Variants in ALDH7A1 observed in about 807,000 individuals in gnomAD.
The protein encoded by ALDH7A1 is aldehyde dehydrogenase 7 family member A1, also known as alpha-aminoadipic semialdehyde dehydrogenase.
Under a neutral mutation model 79.9 loss-of-function variants are expected in ALDH7A1, and 63 were observed. The observed-to-expected ratio is 0.79, with a 90% CI of 0.64 to 0.97. ALDH7A1 has a LOEUF of 0.97. Among genes scored for constraint, ALDH7A1 ranks in the 50% least tolerant of loss-of-function variants. The pLI is 0.00. For synonymous variants in ALDH7A1, 240 were observed against 231.2 expected (o/e 1.04, Z -0.34); for missense variants, 627 against 665.2 (o/e 0.94, Z 0.63).
chr5:126,561,075 A>T lies in ALDH7A1; in HGVS notation c.913+8T>A. The T allele has an allele frequency of 6.2e-7, 1 of 1,613,432 alleles. No individual in the cohort carries two copies. The highest frequency in any genetic ancestry group is 8.5e-7 in the Non-Finnish European group (1 of 1,179,650). On this transcript the variant is annotated splice_region_variant and intron_variant, in intron 10 of 17. Transcript: ENST00000409134. ...AGAAAACAAACAAAAACAAAGAGGC[A>T]GCCTTACCAATAATGGCATTGTTTC...
At chr5:126,579,785 T>C (rs1162979432) in intron 5 of ALDH7A1, among the ~76,000 whole-genome samples, 2 of 152,024 alleles carry the variant, frequency 1.3e-5, no homozygotes, top group Non-Finnish European at 2.9e-5. Context: ...TAGTGCAACC[T>C]CGTCTCTACA....
At chr5:126,575,743 A>G (rs1465659389) in intron 6 of ALDH7A1, among the ~76,000 whole-genome samples, 1 of 152,230 alleles carries the variant, frequency 6.6e-6, no homozygotes, top group African/African-American at 2.4e-5. Flanking sequence ...AACCTCAGCC[A>G]GTTATAGGAA....
intron 5 of ALDH7A1, among the ~76,000 whole-genome samples, chr5:126,579,157 TTC>T (rs1345775533): frequency 6.6e-6 from 1 of 152,176 alleles, no homozygotes; most frequent in African/African-American, 2.4e-5. Flanking sequence ...CTTCCCGAGG[TTC>T]TCTTTCCACT....
At chr5:126,573,347 G>T (rs1216539784) in intron 7 of ALDH7A1, among the ~76,000 whole-genome samples, 1 of 151,786 alleles carries the variant, frequency 6.6e-6, no homozygotes, top group African/African-American at 2.4e-5. Context: ...GATGACTTGA[G>T]GCCAGGAATT....
At chr5:126,568,400 C>A (rs954530541) in intron 8 of ALDH7A1, 44 bp from the exon 9 acceptor site, 2 of 1,502,630 alleles carry the variant, frequency 1.3e-6, no homozygotes, top group African/African-American at 2.7e-5. Context: ...CAGAGAAACC[C>A]AGCAATTACA....
chr5:126,550,130 T>G, intron 15 of ALDH7A1, 66 bp downstream of exon 15: 1 of 1,554,282 alleles, frequency 6.4e-7, no homozygotes, highest in Non-Finnish European at 8.9e-7. Context: ...ACTACAGCAG[T>G]TTTTTTAAGT....
intron 3 of ALDH7A1, 98 bp from the exon 4 acceptor site, chr5:126,584,110 A>T: frequency 1.9e-6 from 2 of 1,050,844 alleles, no homozygotes; most frequent in South Asian, 2.6e-5. Context: ...AATTACAATC[A>T]TATCAAAGAA....
chr5:126,551,735 T>C (rs1172204361), intron 14 of ALDH7A1, among the ~76,000 whole-genome samples: 3 of 152,194 alleles, frequency 2.0e-5, no homozygotes, highest in African/African-American at 7.2e-5. Flanking sequence ...GGTGACTCTA[T>C]GGCCTACACA....
rs144066551 is a variant in ALDH7A1 at position 126,584,352 on chromosome 5, A to G, written c.313-340T>C. 349 of 326,312 alleles carry G rather than the reference A, an allele frequency of 1.1e-3. 1 individual carries two copies. The highest frequency in any genetic ancestry group is 7.1e-3 in the African/African-American group (329 of 46,398). The allele number at this position is 326,312 out of a possible 1,614,324, so 20.2% of individuals were successfully genotyped here. ...AGCAAGATTGGAGGGGAAATGGGTA[A>G]GTTACTTTACCTAAAAGGATGGCAG... is the stretch of plus-strand genomic sequence containing the variant. On this transcript the variant is annotated intron_variant, in intron 3 of 17. Transcript: ENST00000409134.
chr5:126,570,524 A>T (rs371991694), intron 8 of ALDH7A1: 1 of 424,936 alleles, frequency 2.4e-6, no homozygotes. Context: ...GCCCCCCATT[A>T]CAGCAGTTTG....
intron 5 of ALDH7A1, 80 bp downstream of exon 5, chr5:126,582,771 C>G (rs1187853083): frequency 6.5e-7 from 1 of 1,545,574 alleles, no homozygotes; most frequent in Admixed American, 1.7e-5. Context: ...TTTGCACAGT[C>G]AATAGCCAGA....
intron 11 of ALDH7A1, among the ~76,000 whole-genome samples, chr5:126,556,340 T>A (rs1404980178): frequency 6.7e-6 from 1 of 148,888 alleles, no homozygotes; most frequent in African/African-American, 2.5e-5. Flanking sequence ...CTTCCCGGGT[T>A]CAAGCGATTC....
Position 126,568,311 on chromosome 5 carries a change from A to G in ALDH7A1, c.819T>C (p.Thr273=). ...CCTGTTTTCCCACCTGAGTGCTCCC[A>G]GTGAAGGACAGCAGGTTCACTCGTT... is the stretch of plus-strand genomic sequence containing the variant. ...KDERVNLLSF[T]GSTQVGKQVG... is the part of the protein sequence containing the mutation. Residue 273 remains threonine (T), a synonymous_variant, in exon 9 of 18, where the codon ACT becomes ACC. Transcript: ENST00000409134. The G allele has an allele frequency of 6.2e-7, 1 of 1,614,148 alleles. No homozygotes were observed. Among genetic ancestry groups the G allele is most frequent in the Non-Finnish European group, 8.5e-7 (1 of 1,179,996 alleles).
At chr5:126,575,630 G>A (rs1750939235) in intron 6 of ALDH7A1, among the ~76,000 whole-genome samples, 166 bp from the exon 7 acceptor site, 1 of 152,190 alleles carries the variant, frequency 6.6e-6, no homozygotes, top group Non-Finnish European at 1.5e-5. Flanking sequence ...CTTCAGCTGG[G>A]TGTCTTTGAG....
At chr5:126,567,460 A>T (rs1399712778) in intron 9 of ALDH7A1, among the ~76,000 whole-genome samples, 49 of 152,182 alleles carry the variant, frequency 3.2e-4, no homozygotes, top group Admixed American at 1.3e-4. Context: ...TTAGAGAGAA[A>T]ATGACTTCCT....
At position 126,559,286 on chromosome 5, in the gene ALDH7A1, G is replaced by A. The variant is rs3189320; in HGVS notation, c.962C>T (p.Ala321Val). 1 of 1,614,088 alleles carries A rather than the reference G, an allele frequency of 6.2e-7. No individual in the cohort carries two copies. The highest frequency in any genetic ancestry group is 1.1e-5 in the South Asian group (1 of 91,080). ...CCTCTGGCCAGCTGTTCCCACAGCA[G>A]CGAAGAGAGCTGATGGAACAACTAA... ...LSLVVPSALF[A>V]AVGTAGQRCT... Residue 321 changes from alanine to valine, a missense_variant, in exon 11 of 18, where the codon GCT becomes GTT. Coordinates refer to ENST00000409134, the MANE Select transcript of ALDH7A1 (RefSeq NM_001182.5).
intron 13 of ALDH7A1, among the ~76,000 whole-genome samples, chr5:126,552,769 T>C (rs1254546771): frequency 1.9e-4 from 29 of 152,118 alleles, no homozygotes; most frequent in Non-Finnish European, 4.1e-4. Context: ...TTTTTGTTTT[T>C]GATTTGGTCT....
At position 126,575,579 on chromosome 5, in the gene ALDH7A1, CAACT is replaced by C. The variant is rs1357244474; in HGVS notation, c.651-119_651-116del. On this transcript the variant is annotated intron_variant, in intron 6 of 17. Transcript: ENST00000409134. ...TGAGAAAAAGCTCTGTCCAATTAGA[CAACT>C]AACAAGTGAGTCTAGTAACTGAAAC... 8.9e-6 allele frequency: 8 copies of C among 899,224 alleles called. No individual in the cohort carries two copies. In the East Asian group the frequency reaches 2.0e-4, roughly 22 times the overall value. 55.7% of individuals were successfully genotyped at this position (899,224 alleles called of 1,614,324 possible). A position where few individuals can be genotyped will look rare whatever the true frequency, so the allele number is the denominator to read the frequency against.
chr5:126,547,301 TA>T (rs1360589401), intron 16 of ALDH7A1, among the ~76,000 whole-genome samples: 1 of 152,218 alleles, frequency 6.6e-6, no homozygotes, highest in African/African-American at 2.4e-5. Context: ...AAGCTATTTC[TA>T]CCCAAGGTGG....
Sources: gnomAD v4.1 joint callset for allele counts (sites outside exome capture counted in the v4.1 genomes callset) on GRCh38, gnomAD v4.1.1 for gene constraint, MANE v1.5 for transcripts, NCBI Gene and HGNC (gene_info 2026-07-23, HGNC 2026-07-21) for gene names.